The following MPP7 variants were observed in gnomAD, a reference collection of about 807,000 sequenced individuals.
The protein encoded by MPP7 is MAGUK p55 subfamily member 7.
A neutral mutation model predicts 76.5 loss-of-function variants in MPP7; 60 were observed. The ratio of observed to expected loss-of-function variants is 0.78; its 90% CI spans 0.64 to 0.97. MPP7 has a LOEUF of 0.97. Among genes scored for constraint, MPP7 ranks in the 50% least tolerant of loss-of-function variants. The pLI, the probability that MPP7 is intolerant of heterozygous loss-of-function variation, is 0.00. For missense variants in MPP7, 641 were observed against 694.0 expected, an observed-to-expected ratio of 0.92 and a Z score of 0.86; for synonymous variants, 237 against 244.5, an observed-to-expected ratio of 0.97 and a Z score of 0.29.
At chr10:28,085,552 C>T (rs1334265788) in intron 12 of MPP7, among the ~76,000 whole-genome samples, 1 of 151,880 alleles carries the variant, frequency 6.6e-6, no homozygotes, top group Non-Finnish European at 1.5e-5. Context: ...TGAAGCAATG[C>T]AATTAATTAT....
chr10:28,257,926 C>T (rs748356799), intron 1 of MPP7, among the ~76,000 whole-genome samples: 7 of 151,984 alleles, frequency 4.6e-5, no homozygotes, highest in Non-Finnish European at 1.0e-4. Context: ...TTTGGCTTCT[C>T]AATGAGAAAA....
chr10:28,252,828 G>A lies in MPP7; in HGVS notation c.-131-14093C>T, dbSNP rs554921748. On this transcript the variant is annotated intron_variant, in intron 1 of 16. Coordinates refer to ENST00000683449, the MANE Select transcript of MPP7 (RefSeq NM_001318170.2). ...AAAAGCTTCCATTTCTGACATCCAC[G>A]TGTGGCAGAAATTCCCACTCCTTAA... 3.9e-5 allele frequency among the ~76,000 whole-genome samples: 6 copies of A among 152,086 alleles called. No homozygotes were observed. In the South Asian group the frequency reaches 1.0e-3, roughly 26 times the overall value.
At chr10:28,209,260 C>G (rs899766095) in intron 2 of MPP7, among the ~76,000 whole-genome samples, 3 of 152,040 alleles carry the variant, frequency 2.0e-5, no homozygotes, top group Non-Finnish European at 2.9e-5. Context: ...AGGCCAGGAG[C>G]CTGGGACAAG....
At chr10:28,143,966 C>T (rs986209944) in intron 5 of MPP7, among the ~76,000 whole-genome samples, 7 of 151,676 alleles carry the variant, frequency 4.6e-5, no homozygotes, top group African/African-American at 1.5e-4. Context: ...CTCACTGAAA[C>T]CTCCATCTCC....
chr10:28,121,440 A>G (rs1834836308), intron 8 of MPP7, among the ~76,000 whole-genome samples: 1 of 152,084 alleles, frequency 6.6e-6, no homozygotes, highest in Non-Finnish European at 1.5e-5. Context: ...ATTCATATCT[A>G]TTGTATTCTG....
chr10:28,058,401 G>A (rs988179672), intron 15 of MPP7, 94 bp downstream of exon 15: 2 of 587,508 alleles, frequency 3.4e-6, no homozygotes, highest in Non-Finnish European at 5.7e-6. Context: ...CCAAAAGTGA[G>A]TTGACTTCAT....
rs190169643 is a variant in MPP7, at chr10:28,108,907, T to C, written c.952+10744A>G. On this transcript the variant is annotated intron_variant, in intron 11 of 16. Transcript: ENST00000683449. ...TCCCTGCCAGTACAGATTAGAAAGT[T>C]GGTCATAAGGCTTAATTATATTTGG... 1.4e-3 allele frequency among the ~76,000 whole-genome samples: 208 copies of C among 152,234 alleles called. 3 individuals are homozygous for C. Among genetic ancestry groups the C allele is most frequent in the African/African-American group, 4.7e-3 (195 of 41,526 alleles).
intron 3 of MPP7, among the ~76,000 whole-genome samples, chr10:28,167,525 C>T (rs1836524319): frequency 6.6e-6 from 1 of 152,142 alleles, no homozygotes; most frequent in African/African-American, 2.4e-5. Context: ...ATACTATGTT[C>T]ACCATTTGGG....
intron 14 of MPP7, 99 bp from the exon 15 acceptor site, chr10:28,058,702 T>C: frequency 3.7e-6 from 2 of 547,426 alleles, no homozygotes; most frequent in Non-Finnish European, 6.4e-6. Flanking sequence ...GCTGAACACG[T>C]AATTTTTTTA....
chr10:28,292,890 G>A (rs991101634), intron 1 of MPP7, among the ~76,000 whole-genome samples: 3 of 151,218 alleles, frequency 2.0e-5, no homozygotes, highest in Non-Finnish European at 4.4e-5. Context: ...ACGAGTGTGT[G>A]GATCTTGACA....
intron 2 of MPP7, among the ~76,000 whole-genome samples, chr10:28,210,918 C>T (rs934707487): frequency 1.3e-5 from 2 of 151,960 alleles, no homozygotes; most frequent in Admixed American, 6.6e-5. Context: ...TGTGCTGTAG[C>T]GGGCTTCCCT....
intron 13 of MPP7, among the ~76,000 whole-genome samples, chr10:28,068,948 C>T (rs186145598): frequency 7.9e-5 from 12 of 152,246 alleles, no homozygotes; most frequent in East Asian, 1.9e-4. Context: ...TGTAATTTAG[C>T]GCAAATCCTT....
chr10:28,309,690 T>C (rs992953155), intron 2 of MPP7, among the ~76,000 whole-genome samples: 25 of 152,190 alleles, frequency 1.6e-4, no homozygotes, highest in African/African-American at 2.7e-4. Flanking sequence ...TCACATTGAA[T>C]TGTGGTCCCC....
At chr10:28,291,910 C>T (rs1380355104) in intron 1 of MPP7, among the ~76,000 whole-genome samples, 6 of 152,158 alleles carry the variant, frequency 3.9e-5, no homozygotes, top group Non-Finnish European at 8.8e-5. Flanking sequence ...GTGCTTATAA[C>T]GTCTACAGTA....
chr10:28,327,047 C>T (rs1834422625), intron 2 of MPP7, among the ~76,000 whole-genome samples: 1 of 152,082 alleles, frequency 6.6e-6, no homozygotes, highest in South Asian at 2.1e-4. Flanking sequence ...AGGTCACCAG[C>T]ATTTACTTGG....
At position 28,173,279 on chromosome 10, in the gene MPP7, C is replaced by A. The variant is rs574016308; in HGVS notation, c.157-23220G>T. On this transcript the variant is annotated intron_variant, in intron 3 of 16. Transcript: ENST00000683449. The stretch of plus-strand genomic sequence containing the variant: ...TTGAAGGAAAAGAGACAAGCAGATC[C>A]ATTATTACAGATCTACCATTACTAC... Among the ~76,000 whole-genome samples, 21 of 151,634 alleles carry A rather than the reference C, an allele frequency of 1.4e-4. No individual in the cohort carries two copies. The South Asian group carries it at 4.0e-3, about 29-fold the overall frequency.
In MPP7 at chr10:28,262,227, A is replaced by ATATATATATATATATG. The variant is rs1839994749; in HGVS notation, c.-131-23493_-131-23492insCATATATATATATATA. Among the ~76,000 whole-genome samples the ATATATATATATATATG allele has an allele frequency of 2.2e-4, 5 of 23,192 alleles. 2 individuals are homozygous for ATATATATATATATATG. Among genetic ancestry groups the ATATATATATATATATG allele is most frequent in the Non-Finnish European group, 2.2e-4 (3 of 13,704 alleles). The allele number at this position is 23,192 out of a possible 152,430, so 15.2% of individuals were successfully genotyped here. A position where few individuals can be genotyped will look rare whatever the true frequency, so the allele number is the denominator to read the frequency against. ...TATATACATATATATATATATATACATATATATATATATATACATATATAT... is the reference window on the plus strand; with the variant it reads ...TATATACATATATATATATATATACATATATATATATATATGTATATATATATATATACATATATAT... On this transcript the variant is annotated intron_variant, in intron 1 of 16. Coordinates refer to ENST00000683449, the MANE Select transcript of MPP7 (RefSeq NM_001318170.2).
At chr10:28,213,912 T>A (rs773363068) in intron 2 of MPP7, among the ~76,000 whole-genome samples, 1 of 151,968 alleles carries the variant, frequency 6.6e-6, no homozygotes, top group Non-Finnish European at 1.5e-5. Context: ...GTTGGCAATA[T>A]GAAAATTGAA....
At chr10:28,147,799 C>T (rs1264788123) in intron 4 of MPP7, among the ~76,000 whole-genome samples, 1 of 152,198 alleles carries the variant, frequency 6.6e-6, no homozygotes, top group African/African-American at 2.4e-5. Flanking sequence ...TCAGCCAGAT[C>T]ACCTTCTGAT....
Sources: gnomAD v4.1 joint callset for allele counts (sites outside exome capture counted in the v4.1 genomes callset) on GRCh38, gnomAD v4.1.1 for gene constraint, MANE v1.5 for transcripts, NCBI Gene and HGNC (gene_info 2026-07-23, HGNC 2026-07-21) for gene names.